The following MCCC2 variants were observed in gnomAD, a reference collection of about 807,000 sequenced individuals.
MCCC2 encodes methylcrotonyl-CoA carboxylase subunit 2.
A neutral mutation model predicts 77.2 loss-of-function variants in MCCC2; 52 were observed. The ratio of observed to expected loss-of-function variants is 0.67; its 90% CI spans 0.54 to 0.85. The LOEUF (loss-of-function observed/expected upper bound fraction) is 0.85. Ranked by LOEUF, MCCC2 falls within the 40% of genes least tolerant of loss-of-function variation. The pLI, the probability that MCCC2 is intolerant of heterozygous loss-of-function variation, is 0.00. For synonymous variants in MCCC2, 253 were observed against 248.4 expected (o/e 1.02, Z -0.18); for missense variants, 682 against 703.2 (o/e 0.97, Z 0.34).
intron 8 of MCCC2, among the ~76,000 whole-genome samples, chr5:71,632,568 A>G (rs72759496): frequency 1.2e-3 from 185 of 152,326 alleles, no homozygotes; most frequent in Admixed American, 3.8e-3. Flanking sequence ...TGTGGCTGAT[A>G]CGCGATAAGG....
At chr5:71,644,755 T>TA (rs1279010568) in intron 12 of MCCC2, among the ~76,000 whole-genome samples, 3 of 152,158 alleles carry the variant, frequency 2.0e-5, no homozygotes, top group Non-Finnish European at 4.4e-5. Flanking sequence ...AATAGGCAGT[T>TA]AAGCTCTTTC....
intron 1 of MCCC2, among the ~76,000 whole-genome samples, chr5:71,588,373 C>G (rs558764434): frequency 2.6e-4 from 40 of 151,950 alleles, no homozygotes; most frequent in Admixed American, 1.2e-3. Flanking sequence ...CCAAAAAACT[C>G]AAAACTTGCG....
At chr5:71,633,091 TTATATA>T (rs137979624) in intron 8 of MCCC2, among the ~76,000 whole-genome samples, 1,287 of 84,118 alleles carry the variant, frequency 0.015, 23 homozygotes, top group South Asian at 0.033. Flanking sequence ...TTTTTCAGTT[TTATATA>T]TATATATATA....
At chr5:71,606,427 T>C (rs532944335) in intron 6 of MCCC2, among the ~76,000 whole-genome samples, 2 of 152,126 alleles carry the variant, frequency 1.3e-5, no homozygotes, top group East Asian at 3.9e-4. Context: ...ATTGATTTTG[T>C]ATCCTGAGAC....
Position 71,630,368 on chromosome 5 carries a change from G to A in MCCC2, c.739-1753G>A, listed in dbSNP as rs189309607. On this transcript the variant is annotated intron_variant, in intron 7 of 16. Transcript: ENST00000340941. ...GTTTATCTTTTGAACTTGTCATTTA[G>A]TCAAATGAGCTGTTTTAATTTTCTC... is the stretch of plus-strand genomic sequence containing the variant. Among the ~76,000 whole-genome samples, 302 of 152,132 alleles carry A rather than the reference G, an allele frequency of 2.0e-3. 6 individuals carry two copies. Among genetic ancestry groups the A allele is most frequent in the Non-Finnish European group, 6.2e-4 (42 of 67,992 alleles).
chr5:71,603,852 A>G (rs1186472166), intron 5 of MCCC2, among the ~76,000 whole-genome samples: 1 of 152,176 alleles, frequency 6.6e-6, no homozygotes, highest in Non-Finnish European at 1.5e-5. Flanking sequence ...GGGTAAGGAA[A>G]CCGGGGCATA....
At chr5:71,633,087 AG>A (rs1746776632) in intron 8 of MCCC2, among the ~76,000 whole-genome samples, 1 of 79,276 alleles carries the variant, frequency 1.3e-5, no homozygotes, top group African/African-American at 5.1e-5. Flanking sequence ...TTTTTTTTTC[AG>A]TTTTATATAT....
chr5:71,598,851 A>C (rs1336896029), intron 3 of MCCC2, among the ~76,000 whole-genome samples: 5 of 152,060 alleles, frequency 3.3e-5, no homozygotes, highest in Admixed American at 3.3e-4. Flanking sequence ...TCCTGGGCTC[A>C]AGTGATTCTT....
intron 6 of MCCC2, among the ~76,000 whole-genome samples, chr5:71,605,802 G>T (rs1745648041): frequency 1.3e-5 from 2 of 152,106 alleles, no homozygotes; most frequent in South Asian, 4.1e-4. Context: ...CATATGGCTA[G>T]CCAGTTTTCC....
chr5:71,596,292 A>T lies in MCCC2; in HGVS notation c.209A>T (p.Lys70Ile), dbSNP rs1230106293. 1 of 1,614,130 alleles carries T rather than the reference A, an allele frequency of 6.2e-7. No homozygotes were observed. The highest frequency in any genetic ancestry group is 8.5e-7 in the Non-Finnish European group (1 of 1,180,004). The change falls in exon 3 of 17, where the codon AAA becomes ATA. Residue 70 changes from lysine to isoleucine, a missense_variant. Transcript: ENST00000340941. ...VEHIKLGGGE[K>I]ARALHISRGK... ...ATTTCTATCATAGGAGGTGGTGAGA[A>T]AGCCCGAGCACTTCACATATCAAGA...
chr5:71,599,805 C>T (rs750571271), intron 4 of MCCC2, 45 bp downstream of exon 4: 2 of 1,476,144 alleles, frequency 1.4e-6, no homozygotes, highest in Non-Finnish European at 9.5e-7. Flanking sequence ...GAGAAGAAGA[C>T]TTTGATGAGG....
At position 71,602,647 on chromosome 5, in the gene MCCC2, G is replaced by T. The variant is rs1429351862; in HGVS notation, c.511+14G>T. 3.7e-6 allele frequency: 6 copies of T among 1,614,142 alleles called. No individual in the cohort carries two copies. Among genetic ancestry groups the T allele is most frequent in the Middle Eastern group, 3.3e-4 (2 of 6,062 alleles). On this transcript the variant is annotated intron_variant, in intron 5 of 16. Coordinates refer to ENST00000340941, the MANE Select transcript of MCCC2 (RefSeq NM_022132.5). ...GCATCTACTTAGGCAAGTCACCAGAGTGGTAAAATAAACTATTATTAGCTG... is the reference window on the plus strand; with the variant it reads ...GCATCTACTTAGGCAAGTCACCAGATTGGTAAAATAAACTATTATTAGCTG...
chr5:71,649,872 C>G (rs1460691192), intron 14 of MCCC2, among the ~76,000 whole-genome samples, 197 bp from the exon 15 acceptor site: 2 of 152,070 alleles, frequency 1.3e-5, no homozygotes, highest in Non-Finnish European at 2.9e-5. Context: ...CTTAGAAGTC[C>G]CATCTGTGCT....
chr5:71,650,896 G>T (rs1022747483), intron 15 of MCCC2, among the ~76,000 whole-genome samples: 1 of 152,098 alleles, frequency 6.6e-6, no homozygotes, highest in Non-Finnish European at 1.5e-5. Flanking sequence ...TGATCCACTC[G>T]CCTTGGCCTC....
At chr5:71,607,773 G>T (rs1745748638) in intron 6 of MCCC2, among the ~76,000 whole-genome samples, 2 of 150,146 alleles carry the variant, frequency 1.3e-5, no homozygotes, top group African/African-American at 4.9e-5. Context: ...CTGGTATGTT[G>T]TGTCTTTGTT....
At chr5:71,599,894 G>A (rs901433448) in intron 4 of MCCC2, 134 bp downstream of exon 4, 2 of 775,464 alleles carry the variant, frequency 2.6e-6, no homozygotes, top group African/African-American at 3.4e-5. Flanking sequence ...GGCTGGGTGT[G>A]GTGGCTCACG....
chr5:71,635,399 T>G (rs1746882095), intron 10 of MCCC2, 153 bp downstream of exon 10: 9 of 738,486 alleles, frequency 1.2e-5, no homozygotes, highest in Non-Finnish European at 2.2e-5. Context: ...ATGATACCTT[T>G]CCATACTGTG....
chr5:71,642,752 G>A (rs907987708), intron 11 of MCCC2, among the ~76,000 whole-genome samples: 3 of 152,234 alleles, frequency 2.0e-5, no homozygotes, highest in Admixed American at 1.3e-4. Flanking sequence ...CATTTAGGAT[G>A]TACTGCATAA....
rs145334216 is a variant in MCCC2 at position 71,628,853 on chromosome 5, G to A, written c.738+2100G>A. On this transcript the variant is annotated intron_variant, in intron 7 of 16. Transcript: ENST00000340941. ...CATAAAGAAGTTCTAGAAAAGATAC[G>A]AAAATACTGCTTAAAATGTAGAGGA... Among the ~76,000 whole-genome samples, 368 of 152,266 alleles carry A rather than the reference G, an allele frequency of 2.4e-3. 3 individuals are homozygous for A. The highest frequency in any genetic ancestry group is 8.4e-3 in the African/African-American group (348 of 41,552).
Sources: allele counts gnomAD v4.1 joint callset (sites outside exome capture counted in the v4.1 genomes callset), GRCh38; gene constraint gnomAD v4.1.1; transcripts MANE v1.5; gene names NCBI Gene and HGNC (gene_info 2026-07-23, HGNC 2026-07-21).